Variants in MBD5 observed in about 807,000 individuals in gnomAD.
The protein encoded by MBD5 is methyl-CpG binding domain protein 5.
Under a neutral mutation model 117.3 loss-of-function variants are expected in MBD5, and 13 were observed. That is an observed-to-expected ratio of 0.11 (90% CI 0.07 to 0.18). The LOEUF (loss-of-function observed/expected upper bound fraction) is 0.18. MBD5 is among the 10% of genes least tolerant of loss of function. The pLI, the probability that MBD5 is intolerant of heterozygous loss-of-function variation, is 1.00. For missense variants in MBD5, 1,879 were observed against 2,093.8 expected (o/e 0.90, Z 2.00); for synonymous variants, 727 against 766.4 (o/e 0.95, Z 0.85).
rs923471816 is a variant in MBD5, at chr2:148,516,225, G to T, written c.*3284G>T. 1 of 152,144 alleles carries T rather than the reference G, an allele frequency of 6.6e-6. No individual in the cohort carries two copies. The highest frequency in any genetic ancestry group is 1.5e-5 in the Non-Finnish European group (1 of 68,014). The allele number at this position is 152,144 out of a possible 1,614,324, so 9.4% of individuals were successfully genotyped here. ...ATGATAGCACATTGTTGTTAACTTT[G>T]GTAATCTTCCATGCAGTTTGCAGTG... is the stretch of plus-strand genomic sequence containing the variant. On this transcript the variant is annotated 3_prime_UTR_variant, in exon 14 of 14. Coordinates refer to ENST00000642680, the MANE Select transcript of MBD5 (RefSeq NM_001378120.1).
chr2:148,101,066 C>T (rs1181443261), intron 1 of MBD5, among the ~76,000 whole-genome samples: 2 of 152,144 alleles, frequency 1.3e-5, no homozygotes, highest in Non-Finnish European at 2.9e-5. Flanking sequence ...GGTTATTCAT[C>T]CATAATGTCT....
At chr2:148,492,342 A>G (rs1681554334) in intron 11 of MBD5, among the ~76,000 whole-genome samples, 1 of 152,024 alleles carries the variant, frequency 6.6e-6, no homozygotes, top group Non-Finnish European at 1.5e-5. Flanking sequence ...CTGTAAATTC[A>G]TATATTCCTC....
chr2:148,327,309 T>C (rs1355383698), intron 3 of MBD5, among the ~76,000 whole-genome samples: 2 of 152,114 alleles, frequency 1.3e-5, no homozygotes, highest in Non-Finnish European at 2.9e-5. Context: ...CTGACAATTA[T>C]GTGTCTTGGA....
chr2:148,249,830 A>G (rs1326137253), intron 3 of MBD5, among the ~76,000 whole-genome samples: 1 of 152,120 alleles, frequency 6.6e-6, no homozygotes, highest in African/African-American at 2.4e-5. Flanking sequence ...ACATTTGACA[A>G]TATCTGGAGA....
chr2:148,163,434 T>C (rs923733091), intron 1 of MBD5, among the ~76,000 whole-genome samples: 3 of 152,198 alleles, frequency 2.0e-5, no homozygotes, highest in African/African-American at 4.8e-5. Flanking sequence ...AACTTTTTTT[T>C]TTTCAAGACG....
intron 3 of MBD5, among the ~76,000 whole-genome samples, chr2:148,333,614 G>A (rs1019931301): frequency 1.3e-5 from 2 of 151,920 alleles, no homozygotes; most frequent in African/African-American, 2.4e-5. Context: ...GGCCGAGGCA[G>A]GTGGATCACT....
At chr2:148,148,071 C>G (rs751628079) in intron 1 of MBD5, among the ~76,000 whole-genome samples, 10 of 152,120 alleles carry the variant, frequency 6.6e-5, no homozygotes, top group Non-Finnish European at 1.3e-4. Context: ...AAAGCCATCT[C>G]CAACACCTGC....
intron 1 of MBD5, among the ~76,000 whole-genome samples, chr2:148,139,284 G>A (rs1241190887): frequency 1.3e-5 from 2 of 151,986 alleles, no homozygotes; most frequent in South Asian, 2.1e-4. Context: ...TCGGCTCACC[G>A]CAACCTCCAC....
intron 2 of MBD5, among the ~76,000 whole-genome samples, chr2:148,229,014 G>A (rs1166610776): frequency 2.0e-5 from 3 of 151,716 alleles, no homozygotes; most frequent in Non-Finnish European, 4.4e-5. Context: ...TTCTTTATTA[G>A]TCTTGCTAGT....
intron 4 of MBD5, among the ~76,000 whole-genome samples, chr2:148,453,789 T>C (rs1000206162): frequency 6.6e-6 from 1 of 151,946 alleles, no homozygotes; most frequent in African/African-American, 2.4e-5. Flanking sequence ...GAAGGTGAAG[T>C]TATCAGAATC....
intron 1 of MBD5, among the ~76,000 whole-genome samples, chr2:148,091,455 T>C (rs1319736648): frequency 2.0e-5 from 3 of 152,112 alleles, no homozygotes; most frequent in East Asian, 1.9e-4. Context: ...GATATCCAAA[T>C]AGGCACGTAG....
In MBD5 at chr2:148,260,625, G is replaced by T. The variant is rs890120082; in HGVS notation, c.-680+27230G>T. 2.8e-5 allele frequency: 6 copies of T among 213,948 alleles called. No individual in the cohort carries two copies. The East Asian group carries it at 4.4e-4, about 16-fold the overall frequency. The allele number at this position is 213,948 out of a possible 1,614,324, so 13.3% of individuals were successfully genotyped here. On this transcript the variant is annotated intron_variant, in intron 3 of 13. Coordinates refer to ENST00000642680, the MANE Select transcript of MBD5 (RefSeq NM_001378120.1). ...ATGGGCACAGACTAAAAGCCAAGCT[G>T]GGATAAACAAGGAATTGCTGTATCT...
intron 12 of MBD5, among the ~76,000 whole-genome samples, chr2:148,503,990 A>G (rs1681949763): frequency 6.6e-6 from 1 of 152,238 alleles, no homozygotes; most frequent in Non-Finnish European, 1.5e-5. Flanking sequence ...AAAGTTAATA[A>G]CAGAAATAAA....
intron 3 of MBD5, among the ~76,000 whole-genome samples, chr2:148,269,007 G>A (rs186793241): frequency 6.6e-6 from 1 of 151,912 alleles, no homozygotes; most frequent in Admixed American, 6.6e-5. Flanking sequence ...TTGGTTTTCA[G>A]GTTTTATTTT....
intron 3 of MBD5, among the ~76,000 whole-genome samples, chr2:148,319,663 T>C (rs1020451340): frequency 6.6e-6 from 1 of 152,236 alleles, no homozygotes; most frequent in Non-Finnish European, 1.5e-5. Context: ...GTGGAGTCTT[T>C]AGAATTTGCT....
intron 1 of MBD5, among the ~76,000 whole-genome samples, chr2:148,137,574 A>G (rs989762893): frequency 4.6e-5 from 7 of 152,194 alleles, no homozygotes; most frequent in African/African-American, 1.7e-4. Flanking sequence ...AGCCTGGATA[A>G]CATAGAGAGA....
chr2:148,496,920 T>A (rs924925516), intron 11 of MBD5, among the ~76,000 whole-genome samples: 5 of 152,220 alleles, frequency 3.3e-5, no homozygotes, highest in Non-Finnish European at 7.4e-5. Context: ...ATTAGGTTCA[T>A]CCTGTCACAG....
chr2:148,228,280 G>A (rs371164871), intron 2 of MBD5, among the ~76,000 whole-genome samples: 15 of 152,180 alleles, frequency 9.9e-5, no homozygotes, highest in African/African-American at 1.4e-4. Context: ...TTTGAGATAC[G>A]TCCCATCAAT....
At chr2:148,148,563 T>C (rs538815240) in intron 1 of MBD5, among the ~76,000 whole-genome samples, 1 of 152,358 alleles carries the variant, frequency 6.6e-6, no homozygotes, top group South Asian at 2.1e-4. Context: ...TCAATAAATC[T>C]GAGTTAGGGC....
Sources: allele counts gnomAD v4.1 joint callset (sites outside exome capture counted in the v4.1 genomes callset), GRCh38; gene constraint gnomAD v4.1.1; transcripts MANE v1.5; gene names NCBI Gene and HGNC (gene_info 2026-07-23, HGNC 2026-07-21).